The following EBF2 variants were observed in gnomAD, a reference collection of about 807,000 sequenced individuals.
The protein encoded by EBF2 is EBF transcription factor 2, also known as transcription factor COE2.
EBF2 carries 21 observed loss-of-function variants against 72.8 expected under a neutral mutation model. That is an observed-to-expected ratio of 0.29 (90% CI 0.20 to 0.42). The LOEUF is 0.42. Among genes scored for constraint, EBF2 ranks in the 10% least tolerant of loss-of-function variants. EBF2 has a pLI of 1.00. For synonymous variants in EBF2, 299 were observed against 274.2 expected, an observed-to-expected ratio of 1.09 and a Z score of -0.89; for missense variants, 637 against 731.2, an observed-to-expected ratio of 0.87 and a Z score of 1.49.
At chr8:25,848,598 C>T (rs1233840119) in intron 15 of EBF2, among the ~76,000 whole-genome samples, 3 of 152,118 alleles carry the variant, frequency 2.0e-5, no homozygotes, top group African/African-American at 7.2e-5. Context: ...GGCTCAGAGC[C>T]AGGTAAAATA....
intron 6 of EBF2, among the ~76,000 whole-genome samples, chr8:25,921,341 T>C (rs1481896845): frequency 6.6e-6 from 1 of 152,174 alleles, no homozygotes; most frequent in Non-Finnish European, 1.5e-5. Context: ...AAAGAAGAAC[T>C]AAACCTAGAT....
rs1803073198 is a variant in EBF2 at position 25,908,332 on chromosome 8, G to A, written c.633+142C>T. The A allele has an allele frequency of 6.2e-6, 4 of 647,124 alleles. No homozygotes were observed. In the Admixed American group the frequency reaches 1.2e-4, roughly 19 times the overall value. 40.1% of individuals were successfully genotyped at this position (647,124 alleles called of 1,614,324 possible). On this transcript the variant is annotated intron_variant, in intron 7 of 15. Transcript: ENST00000520164. ...GAAACTCTCAATGCTAGTGGCTGAG[G>A]GTCATCGTTTACCATTGTCTTTTTT...
chr8:25,944,996 C>A (rs1803741831), intron 6 of EBF2, among the ~76,000 whole-genome samples: 1 of 151,810 alleles, frequency 6.6e-6, no homozygotes, highest in South Asian at 2.1e-4. Flanking sequence ...AAAAGTAAAA[C>A]AAAGCAATGG....
intron 6 of EBF2, among the ~76,000 whole-genome samples, chr8:25,971,804 T>G (rs1804194657): frequency 6.6e-6 from 1 of 152,160 alleles, no homozygotes; most frequent in Admixed American, 6.5e-5. Context: ...AGCCTGCATC[T>G]GGATTTTAAA....
At chr8:25,976,471 A>T (rs1270681953) in intron 6 of EBF2, among the ~76,000 whole-genome samples, 4 of 152,238 alleles carry the variant, frequency 2.6e-5, no homozygotes, top group Non-Finnish European at 5.9e-5. Flanking sequence ...AAAATGACAC[A>T]GAGTTGGGCT....
chr8:26,030,336 G>C (rs909422302), intron 6 of EBF2, among the ~76,000 whole-genome samples: 5 of 149,946 alleles, frequency 3.3e-5, no homozygotes, highest in Non-Finnish European at 7.4e-5. Context: ...AGTTTGCTGA[G>C]AATGATGGTT....
At chr8:25,893,534 TC>T (rs1802818867) in intron 7 of EBF2, among the ~76,000 whole-genome samples, 1 of 152,066 alleles carries the variant, frequency 6.6e-6, no homozygotes, top group Admixed American at 6.6e-5. Context: ...CGCCTCAGCC[TC>T]CCAAAGTGCT....
intron 6 of EBF2, among the ~76,000 whole-genome samples, chr8:25,993,310 C>T (rs1041373655): frequency 6.6e-5 from 10 of 152,192 alleles, no homozygotes; most frequent in Non-Finnish European, 1.2e-4. Context: ...CTCCTCTTCC[C>T]TATAAATTGG....
chr8:25,974,884 C>T (rs1328144937), intron 6 of EBF2, among the ~76,000 whole-genome samples: 1 of 152,110 alleles, frequency 6.6e-6, no homozygotes, highest in Non-Finnish European at 1.5e-5. Context: ...GTCGAAGCAC[C>T]AGTATTCCCA....
chr8:25,949,221 G>T (rs555611610), intron 6 of EBF2, among the ~76,000 whole-genome samples: 2 of 152,214 alleles, frequency 1.3e-5, no homozygotes, highest in South Asian at 2.1e-4. Flanking sequence ...CTTGCCCAAG[G>T]TTACACAGCT....
At chr8:25,934,462 G>T (rs747539072) in intron 6 of EBF2, among the ~76,000 whole-genome samples, 4 of 152,072 alleles carry the variant, frequency 2.6e-5, no homozygotes, top group Admixed American at 1.3e-4. Flanking sequence ...CATCATTGCC[G>T]TTTTCAAATT....
chr8:25,883,916 C>T (rs893614338), intron 10 of EBF2, among the ~76,000 whole-genome samples: 3 of 152,090 alleles, frequency 2.0e-5, no homozygotes, highest in African/African-American at 7.2e-5. Context: ...CTTACCCTGA[C>T]CACTCCTTCT....
intron 6 of EBF2, among the ~76,000 whole-genome samples, chr8:26,003,264 A>T (rs997160717): frequency 6.6e-6 from 1 of 152,254 alleles, no homozygotes; most frequent in Non-Finnish European, 1.5e-5. Context: ...CAAAACTTCT[A>T]GGCCCTTTTA....
At chr8:25,988,558 A>G (rs1276038993) in intron 6 of EBF2, among the ~76,000 whole-genome samples, 4 of 152,212 alleles carry the variant, frequency 2.6e-5, no homozygotes, top group Non-Finnish European at 5.9e-5. Context: ...TGAATAAATC[A>G]TCTGCTCATA....
chr8:25,868,920 T>C lies in EBF2; in HGVS notation c.1010-6123A>G, dbSNP rs182095821. On this transcript the variant is annotated intron_variant, in intron 10 of 15. Coordinates refer to ENST00000520164, the MANE Select transcript of EBF2 (RefSeq NM_022659.4). The stretch of plus-strand genomic sequence containing the variant: ...CTTCCCACCTCTTTCTCTCCACTTA[T>C]ACATTTTTGTTGGCAGTTTATCATT... Among the ~76,000 whole-genome samples, 3 of 152,336 alleles carry C rather than the reference T, an allele frequency of 2.0e-5. No individual in the cohort carries two copies. In the East Asian group the frequency reaches 5.8e-4, roughly 29 times the overall value.
chr8:26,040,863 T>G, intron 3 of EBF2, 76 bp downstream of exon 3: 1 of 1,596,046 alleles, frequency 6.3e-7, no homozygotes, highest in Non-Finnish European at 8.6e-7. Flanking sequence ...CTGAGAGTGA[T>G]CATGGCAAGG....
chr8:25,917,840 C>T (rs1423719846), intron 6 of EBF2, among the ~76,000 whole-genome samples: 1 of 152,138 alleles, frequency 6.6e-6, no homozygotes, highest in Non-Finnish European at 1.5e-5. Context: ...CACCCAGAGC[C>T]CTTTGCTGCT....
Position 25,893,483 on chromosome 8 carries a change from G to A in EBF2, c.634-3614C>T, listed in dbSNP as rs556776119. Reference sequence around the variant, plus strand: ...TGTATTTTTGGGGTTTTACCATGTTGGCCAGGCTGGTCTAGAGCTTCTTAC... The same window carrying A: ...TGTATTTTTGGGGTTTTACCATGTTAGCCAGGCTGGTCTAGAGCTTCTTAC... On this transcript the variant is annotated intron_variant, in intron 7 of 15. Coordinates refer to ENST00000520164, the MANE Select transcript of EBF2 (RefSeq NM_022659.4). Among the ~76,000 whole-genome samples the A allele has an allele frequency of 1.8e-4, 27 of 151,970 alleles. 1 individual carries two copies. The South Asian group carries it at 5.4e-3, about 30-fold the overall frequency.
intron 14 of EBF2, chr8:25,858,033 A>G: frequency 1.8e-6 from 1 of 561,344 alleles, no homozygotes; most frequent in South Asian, 1.5e-5. Flanking sequence ...ACAGAAATGG[A>G]ATCTTAATTC....
Sources: allele counts gnomAD v4.1 joint callset (sites outside exome capture counted in the v4.1 genomes callset), GRCh38; gene constraint gnomAD v4.1.1; transcripts MANE v1.5; gene names NCBI Gene and HGNC (gene_info 2026-07-23, HGNC 2026-07-21).